Variants in RESF1 observed in about 807,000 individuals in gnomAD.
RESF1 encodes the protein gonad expressed transcript.
In RESF1, 65 loss-of-function variants were observed where a neutral mutation model predicts 134.7. The ratio of observed to expected loss-of-function variants is 0.48; its 90% CI spans 0.40 to 0.59. The LOEUF (loss-of-function observed/expected upper bound fraction) is 0.59, where lower values mean the gene tolerates loss of function less well. Among genes scored for constraint, RESF1 ranks in the 20% least tolerant of loss-of-function variants. The pLI is 0.00. For synonymous variants in RESF1, 762 were observed against 702.2 expected (o/e 1.09, Z -1.35); for missense variants, 2,274 against 2,002.7 (o/e 1.14, Z -2.59).
chr12:31,985,748 C>G lies in RESF1; in HGVS notation c.4793C>G (p.Thr1598Ser), dbSNP rs1807071377. 2 of 1,579,800 alleles carry G rather than the reference C, an allele frequency of 1.3e-6. No individual in the cohort carries two copies. Among genetic ancestry groups the G allele is most frequent in the Non-Finnish European group, 1.7e-6 (2 of 1,168,684 alleles). Residue 1598 changes from threonine to serine, a missense_variant, in exon 4 of 6, where the codon ACC (threonine) becomes AGC (serine). Thr to Ser is a moderately conservative substitution (Grantham distance 58). Transcript: ENST00000312561. Reference protein sequence around the residue: ...KCTERESISLTKLESSPRKLH... With the variant: ...KCTERESISLSKLESSPRKLH... Reference sequence around the variant, plus strand: ...ACTGAACGTGAAAGCATTTCTCTCACCAAATTAGAAAGTTCACCCAGGAAG... The same window carrying G: ...ACTGAACGTGAAAGCATTTCTCTCAGCAAATTAGAAAGTTCACCCAGGAAG...
At chr12:31,980,413 A>C (rs1939753367) in intron 3 of RESF1, among the ~76,000 whole-genome samples, 2 of 152,218 alleles carry the variant, frequency 1.3e-5, no homozygotes, top group African/African-American at 4.8e-5. Flanking sequence ...ACCCGGCCTT[A>C]TGCCAGAAAT....
Position 31,989,160 on chromosome 12 carries a change from G to A in RESF1, c.5086+1838G>A, listed in dbSNP as rs112913939. Among the ~76,000 whole-genome samples the A allele has an allele frequency of 4.6e-3, 703 of 151,208 alleles. 4 individuals are homozygous for A. Among genetic ancestry groups the A allele is most frequent in the African/African-American group, 0.016 (673 of 41,300 alleles). ...ACCTGTAATCTCAGCACTTTGGGAGGCCGAGGCAGGCGGATCATGAGGTCA... is the reference window on the plus strand; with the variant it reads ...ACCTGTAATCTCAGCACTTTGGGAGACCGAGGCAGGCGGATCATGAGGTCA... On this transcript the variant is annotated intron_variant, in intron 5 of 5. Transcript: ENST00000312561.
intron 3 of RESF1, among the ~76,000 whole-genome samples, chr12:31,974,112 G>T (rs1939575331): frequency 6.6e-6 from 1 of 151,718 alleles, no homozygotes; most frequent in African/African-American, 2.4e-5. Context: ...GAGCCAGGTG[G>T]AAGAGATGCA....
intron 5 of RESF1, among the ~76,000 whole-genome samples, chr12:31,991,153 C>T (rs1294406557): frequency 1.3e-5 from 2 of 150,318 alleles, no homozygotes; most frequent in Admixed American, 6.7e-5. Flanking sequence ...AGCCCTGATG[C>T]AGCACTGCAC....
In RESF1 at chr12:31,985,149, A is replaced by G; in HGVS notation, c.4194A>G (p.Lys1398=). ...AGAAACATGATAAACAAGAACAGAA[A>G]GGAAGTGTGGGAGCTACATTCAAAT... ...KKKKHDKQEQ[K]GSVGATFKLG... The change falls in exon 4 of 6, where the codon AAA becomes AAG. Residue 1398 remains lysine (K), a synonymous_variant. Coordinates refer to ENST00000312561, the MANE Select transcript of RESF1 (RefSeq NM_018169.4). 1 of 1,553,434 alleles carries G rather than the reference A, an allele frequency of 6.4e-7. No individual in the cohort carries two copies. Among genetic ancestry groups the G allele is most frequent in the Non-Finnish European group, 8.6e-7 (1 of 1,158,372 alleles).
rs1940123205 is a variant in RESF1 at position 31,992,741 on chromosome 12, G to A, written c.*206G>A. The A allele has an allele frequency of 2.2e-5, 12 of 552,316 alleles. No homozygotes were observed. The East Asian group carries it at 2.9e-4, about 13-fold the overall frequency. 34.2% of individuals were successfully genotyped at this position (552,316 alleles called of 1,614,324 possible). A position where few individuals can be genotyped will look rare whatever the true frequency, so the allele number is the denominator to read the frequency against. On this transcript the variant is annotated 3_prime_UTR_variant, in exon 6 of 6. Transcript: ENST00000312561. ...GTAAGAAATGGATGGTATTCACCGG[G>A]GAAACAAGGTATTTGAATTTCTACT...
Position 31,982,942 on chromosome 12 carries a change from A to G in RESF1, c.1987A>G (p.Lys663Glu), listed in dbSNP as rs1288212823. The G allele has an allele frequency of 6.2e-7, 1 of 1,614,008 alleles. No individual in the cohort carries two copies. The highest frequency in any genetic ancestry group is 8.5e-7 in the Non-Finnish European group (1 of 1,180,008). Residue 663 changes from lysine (K) to glutamate (E), a missense_variant, in exon 4 of 6, where the codon AAA becomes GAA. Coordinates refer to ENST00000312561, the MANE Select transcript of RESF1 (RefSeq NM_018169.4). ...QESSTKGMPAKSDSSCSMEVL... is the reference protein window; with the variant it reads ...QESSTKGMPAESDSSCSMEVL... Reference sequence around the variant, plus strand: ...ATCCTCAACAAAAGGAATGCCTGCTAAAAGTGACAGTAGCTGTTCCATGGA... The same window carrying G: ...ATCCTCAACAAAAGGAATGCCTGCTGAAAGTGACAGTAGCTGTTCCATGGA...
At chr12:31,991,555 G>A (rs1940092757) in intron 5 of RESF1, among the ~76,000 whole-genome samples, 2 of 152,254 alleles carry the variant, frequency 1.3e-5, no homozygotes, top group South Asian at 4.1e-4. Context: ...TGACTGTGAT[G>A]GTATGAAAGT....
At chr12:31,975,420 A>G (rs2120813383) in intron 3 of RESF1, among the ~76,000 whole-genome samples, 1 of 152,348 alleles carries the variant, frequency 6.6e-6, no homozygotes, top group Non-Finnish European at 1.5e-5. Flanking sequence ...CACTAACATT[A>G]GAGTTTACTC....
chr12:31,981,651 A>T lies in RESF1; in HGVS notation c.696A>T (p.Gln232His). The change falls in exon 4 of 6, where the codon CAA becomes CAT. Residue 232 changes from glutamine (Q) to histidine (H), a missense_variant. Physicochemically the swap from Gln to His is conservative, Grantham distance 24. Transcript: ENST00000312561. Reference sequence around the variant, plus strand: ...GCTTTTTACCAGATTCTACCATTCAAAAACAAAACTTTATACCACATACAT... The same window carrying T: ...GCTTTTTACCAGATTCTACCATTCATAAACAAAACTTTATACCACATACAT... ...PQSFLPDSTI[Q>H]KQNFIPHTSL... is the part of the protein sequence containing the mutation. 1 of 1,614,060 alleles carries T rather than the reference A, an allele frequency of 6.2e-7. No individual in the cohort carries two copies.
At chr12:31,972,769 G>A (rs574017706) in intron 3 of RESF1, among the ~76,000 whole-genome samples, 1 of 152,252 alleles carries the variant, frequency 6.6e-6, no homozygotes, top group South Asian at 2.1e-4. Context: ...TGTGGGGTGA[G>A]ACACCCACAC....
In RESF1 at chr12:31,984,453, G is replaced by A; in HGVS notation, c.3498G>A (p.Glu1166=). The change falls in exon 4 of 6, where the codon GAG becomes GAA. Residue 1166 remains glutamate (E), a synonymous_variant. Transcript: ENST00000312561. ...QSRDSVILDS[E]KDDIHCCALG... Reference sequence around the variant, plus strand: ...GTGATTCTGTGATACTGGACTCTGAGAAAGATGATATCCACTGCTGTGCAT... The same window carrying A: ...GTGATTCTGTGATACTGGACTCTGAAAAAGATGATATCCACTGCTGTGCAT... 6.2e-7 allele frequency: 1 copy of A among 1,614,146 alleles called. No homozygotes were observed. The highest frequency in any genetic ancestry group is 8.5e-7 in the Non-Finnish European group (1 of 1,179,976).
At chr12:31,972,537 C>T (rs921410284) in intron 3 of RESF1, among the ~76,000 whole-genome samples, 3 of 144,404 alleles carry the variant, frequency 2.1e-5, no homozygotes, top group African/African-American at 7.8e-5. Context: ...ACCTGGGAGG[C>T]GGAGCTCGCA....
chr12:31,959,771 C>T (rs981975634), intron 1 of RESF1: 1 of 151,906 alleles, frequency 6.6e-6, no homozygotes. Flanking sequence ...CCGCGGATGC[C>T]GAGCCTTGCA....
intron 3 of RESF1, among the ~76,000 whole-genome samples, chr12:31,972,993 GTT>G (rs1323210532): frequency 6.6e-6 from 1 of 151,576 alleles, no homozygotes; most frequent in African/African-American, 2.4e-5. Context: ...TGTTTTTTCT[GTT>G]TTTAATTTCT....
intron 2 of RESF1, among the ~76,000 whole-genome samples, chr12:31,962,181 G>A (rs934413283): frequency 7.4e-5 from 11 of 148,770 alleles, no homozygotes; most frequent in African/African-American, 2.5e-4. Flanking sequence ...TCACCCCATC[G>A]TACTGCAGCC....
Position 31,982,153 on chromosome 12 carries a change from T to G in RESF1, c.1198T>G (p.Leu400Val). 2.5e-6 allele frequency: 4 copies of G among 1,613,008 alleles called. No individual in the cohort carries two copies. Among genetic ancestry groups the G allele is most frequent in the Non-Finnish European group, 3.4e-6 (4 of 1,179,680 alleles). The change falls in exon 4 of 6, where the codon TTA (leucine) becomes GTA (valine). Residue 400 changes from leucine to valine, a missense_variant. Coordinates refer to ENST00000312561, the MANE Select transcript of RESF1 (RefSeq NM_018169.4). The stretch of plus-strand genomic sequence containing the variant: ...AAAGCTAGTAAGGGATATTAAAACA[T>G]TAGTAGAGATAAAACAGAAGTTTTC... The part of the protein sequence containing the change: ...KEKLVRDIKT[L>V]VEIKQKFSEL...
chr12:31,974,302 AC>A (rs1332018658), intron 3 of RESF1, among the ~76,000 whole-genome samples: 1 of 152,080 alleles, frequency 6.6e-6, no homozygotes. Flanking sequence ...ACCCCAATCT[AC>A]AAGAGTTTTA....
In RESF1 at chr12:31,982,561, C is replaced by G. The variant is rs759100715; in HGVS notation, c.1606C>G (p.Gln536Glu). ...TSKTSAVEMT[Q>E]AVLNTQLSSE... ...AAAGACATCAGCTGTTGAGATGACCCAGGCAGTATTGAATACTCAGCTTTC... is the reference window on the plus strand; with the variant it reads ...AAAGACATCAGCTGTTGAGATGACCGAGGCAGTATTGAATACTCAGCTTTC... The change falls in exon 4 of 6, where the codon CAG (glutamine) becomes GAG (glutamate). Residue 536 changes from glutamine to glutamate, a missense_variant. By Grantham distance (29) the Gln-to-Glu change is conservative. Coordinates refer to ENST00000312561, the MANE Select transcript of RESF1 (RefSeq NM_018169.4). 3.7e-6 allele frequency: 6 copies of G among 1,613,744 alleles called. No individual in the cohort carries two copies. The African/African-American group carries it at 8.0e-5, about 22-fold the overall frequency.
Sources: allele counts gnomAD v4.1 joint callset (sites outside exome capture counted in the v4.1 genomes callset), GRCh38; gene constraint gnomAD v4.1.1; transcripts MANE v1.5; gene names NCBI Gene and HGNC (gene_info 2026-07-23, HGNC 2026-07-21).